Variants in RAB37 observed in about 807,000 individuals in gnomAD.
RAB37 encodes the protein RAB37, member RAS oncogene family, also known as ras-related protein Rab-37.
Under a neutral mutation model 33.1 loss-of-function variants are expected in RAB37, and 29 were observed. The ratio of observed to expected loss-of-function variants is 0.88; its 90% CI spans 0.65 to 1.20. The LOEUF (loss-of-function observed/expected upper bound fraction) is 1.20, where lower values mean the gene tolerates loss of function less well. Among genes scored for constraint, RAB37 ranks in the 50% most tolerant of loss-of-function variants. RAB37 has a pLI of 0.00. For missense variants in RAB37, 299 were observed against 301.1 expected, an observed-to-expected ratio of 0.99 and a Z score of 0.05; for synonymous variants, 128 against 119.5, an observed-to-expected ratio of 1.07 and a Z score of -0.47.
intron 1 of RAB37, among the ~76,000 whole-genome samples, chr17:74,726,944 C>A (rs1174721985): frequency 2.0e-5 from 3 of 152,256 alleles, no homozygotes; most frequent in African/African-American, 7.2e-5. Flanking sequence ...TATCCACTCA[C>A]CCATTCATTC....
At chr17:74,691,157 C>T (rs576403402) in intron 1 of RAB37, among the ~76,000 whole-genome samples, 95 of 152,214 alleles carry the variant, frequency 6.2e-4, no homozygotes, top group Non-Finnish European at 1.2e-3. Flanking sequence ...TGCAGGCGTG[C>T]GCCACCACAC....
chr17:74,696,262 G>C, intron 1 of RAB37: 1 of 1,578,276 alleles, frequency 6.3e-7, no homozygotes. Flanking sequence ...CCATTCCCCA[G>C]ACTCACAAGA....
At chr17:74,713,300 T>C (rs535154517) in intron 1 of RAB37, among the ~76,000 whole-genome samples, 20 of 144,556 alleles carry the variant, frequency 1.4e-4, no homozygotes, top group Non-Finnish European at 1.8e-4. Context: ...AACAAGACTC[T>C]GTCTCAAACA....
chr17:74,720,924 T>C (rs975810134), intron 1 of RAB37, among the ~76,000 whole-genome samples: 4 of 152,096 alleles, frequency 2.6e-5, no homozygotes, highest in African/African-American at 4.8e-5. Context: ...GGGAAGAAGG[T>C]GATCTTTCCC....
intron 1 of RAB37, among the ~76,000 whole-genome samples, chr17:74,673,322 G>A (rs1219451199): frequency 1.3e-5 from 2 of 151,168 alleles, no homozygotes; most frequent in African/African-American, 4.9e-5. Flanking sequence ...AGAATTGCTT[G>A]AGCCTGGGAG....
chr17:74,715,031 A>C (rs539504614), intron 1 of RAB37, among the ~76,000 whole-genome samples: 2 of 152,344 alleles, frequency 1.3e-5, no homozygotes, highest in South Asian at 4.1e-4. Context: ...CTGAAGCAGG[A>C]GAATAACTTG....
intron 1 of RAB37, among the ~76,000 whole-genome samples, chr17:74,678,780 TTC>T (rs1349709330): frequency 6.6e-6 from 1 of 152,126 alleles, no homozygotes; most frequent in Admixed American, 6.6e-5. Flanking sequence ...TCCGTTTTTG[TTC>T]TCTGTCTCCC....
upstream of RAB37, chr17:74,737,245 C>T (rs909500233): frequency 2.6e-6 from 4 of 1,545,144 alleles, no homozygotes; most frequent in Non-Finnish European, 3.5e-6. Context: ...GCCTGCGGGC[C>T]GGCACTGCTC....
rs140044082 is a variant in RAB37 at position 74,691,629 on chromosome 17, T to C, written c.72+19971T>C. ...TCCAGCCAAGCCAAATTGAGCTAAA[T>C]TCTAGTCTTCCCTGTGCGTCTAGCT... On this transcript the variant is annotated intron_variant, in intron 1 of 7. Transcript: ENST00000340415. Among the ~76,000 whole-genome samples the C allele has an allele frequency of 2.0e-4, 31 of 152,336 alleles. 1 individual carries two copies. In the Middle Eastern group the frequency reaches 0.017, roughly 84 times the overall value.
chr17:74,733,466 G>GGTGTGTGTGTGGTGT (rs2034418899), upstream of RAB37, among the ~76,000 whole-genome samples: 2 of 710 alleles, frequency 2.8e-3, no homozygotes, highest in South Asian at 0.031. Context: ...GTGATTTGAG[G>GGTGTGTGTGTGGTGT]GATGTGTGTG....
chr17:74,695,134 C>G (rs758381926), intron 1 of RAB37: 2 of 1,614,154 alleles, frequency 1.2e-6, no homozygotes, highest in Non-Finnish European at 1.7e-6. Context: ...GTGGGCTCCT[C>G]AGGGCCCCTG....
chr17:74,681,100 G>A (rs1178477781), intron 1 of RAB37, among the ~76,000 whole-genome samples: 1 of 152,240 alleles, frequency 6.6e-6, no homozygotes, highest in Non-Finnish European at 1.5e-5. Flanking sequence ...CAGGCTGGGT[G>A]GATCAGAGGG....
intron 1 of RAB37, among the ~76,000 whole-genome samples, chr17:74,693,803 C>A (rs991772041): frequency 6.6e-6 from 1 of 152,010 alleles, no homozygotes; most frequent in Admixed American, 6.6e-5. Flanking sequence ...GTGGCAGGCA[C>A]CTGTAGTTTC....
chr17:74,694,927 C>T, intron 1 of RAB37: 2 of 613,474 alleles, frequency 3.3e-6, no homozygotes, highest in South Asian at 2.6e-5. Flanking sequence ...TCCTAGAAGC[C>T]CCCTGAGACT....
chr17:74,721,367 C>T (rs1407895496), intron 1 of RAB37, among the ~76,000 whole-genome samples: 1 of 151,928 alleles, frequency 6.6e-6, no homozygotes, highest in African/African-American at 2.4e-5. Flanking sequence ...TCACTAGTCT[C>T]TACTGCTGAA....
upstream of RAB37, among the ~76,000 whole-genome samples, chr17:74,734,932 AAG>A (rs1371493969): frequency 7.5e-6 from 1 of 133,538 alleles, no homozygotes; most frequent in Non-Finnish European, 1.5e-5. Flanking sequence ...GAGAGAAAGA[AAG>A]AGAAAGAAAG....
intron 1 of RAB37, among the ~76,000 whole-genome samples, chr17:74,690,871 G>A (rs1348935660): frequency 6.6e-6 from 1 of 152,192 alleles, no homozygotes; most frequent in African/African-American, 2.4e-5. Context: ...CAGAGGGCTA[G>A]AATTTTAGAT....
chr17:74,736,031 C>T (rs1368831733), upstream of RAB37, among the ~76,000 whole-genome samples: 1 of 152,096 alleles, frequency 6.6e-6, no homozygotes, highest in Non-Finnish European at 1.5e-5. Flanking sequence ...CATGGCAAAA[C>T]CCCGTCTCTA....
At chr17:74,679,714 T>A (rs992964115) in intron 1 of RAB37, among the ~76,000 whole-genome samples, 1 of 152,152 alleles carries the variant, frequency 6.6e-6, no homozygotes, top group African/African-American at 2.4e-5. Context: ...GCATGGTGCT[T>A]CATGCCTGTA....
Sources: allele counts gnomAD v4.1 joint callset (sites outside exome capture counted in the v4.1 genomes callset), GRCh38; gene constraint gnomAD v4.1.1; transcripts MANE v1.5; gene names NCBI Gene and HGNC (gene_info 2026-07-23, HGNC 2026-07-21).